ZNF764: variants seen among roughly 807,000 people sequenced by gnomAD.
ZNF764 encodes the protein zinc finger protein 764.
Under a neutral mutation model 13.9 loss-of-function variants are expected in ZNF764, and 10 were observed. The ratio of observed to expected loss-of-function variants is 0.72; its 90% CI spans 0.44 to 1.22. The LOEUF is 1.22. ZNF764 is among the 50% of genes most tolerant of loss of function. ZNF764 has a pLI of 0.00. For synonymous variants in ZNF764, 313 were observed against 255.1 expected (o/e 1.23, Z -2.16); for missense variants, 647 against 589.7 (o/e 1.10, Z -1.01).
At chr16:30,556,436 A>G (rs1267467614) in intron 2 of ZNF764, among the ~76,000 whole-genome samples, 1 of 152,108 alleles carries the variant, frequency 6.6e-6, no homozygotes, top group Non-Finnish European at 1.5e-5. Flanking sequence ...GGGCATGGCC[A>G]AGTTCAGTGG....
rs369879622 is a variant in ZNF764 at position 30,555,575 on chromosome 16, G to A, written c.843C>T (p.Ser281=). ...CCGGGCAGGGGAAGGGGGTCTCGCC[G>A]CTGTGCACGCGCCGGTGCTGGTAGA... ...SALYQHRRVH[S]GETPFPCPDC... Residue 281 remains serine, a synonymous_variant, in exon 3 of 3, where the codon AGC becomes AGT. Coordinates refer to ENST00000395091, the MANE Select transcript of ZNF764 (RefSeq NM_001172679.2). The A allele has an allele frequency of 2.0e-6, 3 of 1,535,184 alleles. No homozygotes were observed. The highest frequency in any genetic ancestry group is 1.7e-6 in the Non-Finnish European group (2 of 1,146,038).
chr16:30,557,694 C>T (rs921499153), intron 2 of ZNF764, 39 bp downstream of exon 2: 3 of 1,610,618 alleles, frequency 1.9e-6, no homozygotes. Flanking sequence ...GGGACAGGAA[C>T]AGAGAAGTCC....
At position 30,556,063 on chromosome 16, in the gene ZNF764, C is replaced by G. The variant is rs199626772; in HGVS notation, c.355G>C (p.Ala119Pro). The change falls in exon 3 of 3, where the codon GCC becomes CCC. Residue 119 changes from alanine to proline, a missense_variant. Physicochemically the swap from Ala to Pro is conservative, Grantham distance 27. Coordinates refer to ENST00000395091, the MANE Select transcript of ZNF764 (RefSeq NM_001172679.2). ...GCCACAGGGTCGGGCTTCTCCAGGG[C>G]TCCCGTCCCTTCCCTTTGTCTTTCC... is the stretch of plus-strand genomic sequence containing the variant. ...KKERQREGTG[A>P]LEKPDPVAAG... The G allele has an allele frequency of 1.9e-6, 3 of 1,612,536 alleles. No homozygotes were observed. The highest frequency in any genetic ancestry group is 2.5e-6 in the Non-Finnish European group (3 of 1,180,028).
rs775176260 is a variant in ZNF764, at chr16:30,555,913, G to C, written c.505C>G (p.Arg169Gly). The change falls in exon 3 of 3, where the codon CGA (arginine) becomes GGA (glycine). Residue 169 changes from arginine to glycine, a missense_variant. Arg to Gly is a moderately radical substitution (Grantham distance 125). Transcript: ENST00000395091. ...PSLCAHPPVPRADQRHGCYVC... is the reference protein window; with the variant it reads ...PSLCAHPPVPGADQRHGCYVC... ...TAGCAGCCATGACGCTGGTCAGCTCGGGGGACAGGGGGGTGGGCACAGAGG... is the reference window on the plus strand; with the variant it reads ...TAGCAGCCATGACGCTGGTCAGCTCCGGGGACAGGGGGGTGGGCACAGAGG... The C allele has an allele frequency of 6.2e-6, 10 of 1,611,398 alleles. No homozygotes were observed. The highest frequency in any genetic ancestry group is 1.7e-4 in the Middle Eastern group (1 of 6,014).
chr16:30,556,027 G>C lies in ZNF764; in HGVS notation c.391C>G (p.Pro131Ala). The change falls in exon 3 of 3, where the codon CCT (proline) becomes GCT (alanine). Residue 131 changes from proline (P) to alanine (A), a missense_variant. Pro to Ala is a conservative substitution (Grantham distance 27). Transcript: ENST00000395091. ...EKPDPVAAGSPGLKSPQAPSA... is the reference protein window; with the variant it reads ...EKPDPVAAGSAGLKSPQAPSA... Reference sequence around the variant, plus strand: ...GGGGCTTGGGGAGACTTCAGCCCAGGAGACCCGGCGGCCACAGGGTCGGGC... The same window carrying C: ...GGGGCTTGGGGAGACTTCAGCCCAGCAGACCCGGCGGCCACAGGGTCGGGC... The C allele has an allele frequency of 6.2e-7, 1 of 1,612,848 alleles. No homozygotes were observed. Among genetic ancestry groups the C allele is most frequent in the South Asian group, 1.1e-5 (1 of 91,054 alleles).
intron 2 of ZNF764, 23 bp from the exon 3 acceptor site, chr16:30,556,130 G>C: frequency 6.2e-7 from 1 of 1,608,498 alleles, no homozygotes; most frequent in Non-Finnish European, 8.5e-7. Flanking sequence ...AAAGAGGGGA[G>C]AGTTCAGGCT....
rs777888368 is a variant in ZNF764, at chr16:30,555,175, A to T, written c.*19T>A. On this transcript the variant is annotated 3_prime_UTR_variant, in exon 3 of 3. Coordinates refer to ENST00000395091, the MANE Select transcript of ZNF764 (RefSeq NM_001172679.2). ...ATCTCGGGCCTCCCGTAATGTCTAG[A>T]TAGTCACTTTTAAGGCCGTCACCCA... The T allele has an allele frequency of 5.7e-6, 9 of 1,591,678 alleles. No homozygotes were observed. Among genetic ancestry groups the T allele is most frequent in the African/African-American group, 4.1e-5 (3 of 73,754 alleles).
Position 30,555,946 on chromosome 16 carries a change from G to A in ZNF764, c.472C>T (p.Arg158Cys), listed in dbSNP as rs745627651. The A allele has an allele frequency of 1.2e-5, 19 of 1,611,522 alleles. No individual in the cohort carries two copies. The highest frequency in any genetic ancestry group is 1.5e-5 in the Non-Finnish European group (18 of 1,179,530). Residue 158 changes from arginine to cysteine, a missense_variant, in exon 3 of 3, where the codon CGC (arginine) becomes TGC (cysteine). Transcript: ENST00000395091. Reference sequence around the variant, plus strand: ...GGGGGGTGGGCACAGAGGGAGGGGCGTCCCCGGTGCGGTGCCTTGGACAGC... The same window carrying A: ...GGGGGGTGGGCACAGAGGGAGGGGCATCCCCGGTGCGGTGCCTTGGACAGC... ...EQLSKAPHRG[R>C]PSLCAHPPVP...
chr16:30,558,311 C>T lies in ZNF764; in HGVS notation c.-129G>A, dbSNP rs2051576621. On this transcript the variant is annotated 5_prime_UTR_variant, in exon 1 of 3. Transcript: ENST00000395091. ...GAAGGAGGGAGGTTACTAGGGCCCC[C>T]GAGGGCGCACTAGAGGGCGTGGAAA... 2 of 1,098,048 alleles carry T rather than the reference C, an allele frequency of 1.8e-6. No homozygotes were observed. The highest frequency in any genetic ancestry group is 2.9e-5 in the Admixed American group (1 of 34,374). The allele number at this position is 1,098,048 out of a possible 1,614,324, so 68.0% of individuals were successfully genotyped here.
In ZNF764 at chr16:30,555,324, C is replaced by G. The variant is rs764392812; in HGVS notation, c.1094G>C (p.Arg365Pro). 12 of 1,609,184 alleles carry G rather than the reference C, an allele frequency of 7.5e-6. No individual in the cohort carries two copies. In the Admixed American group the frequency reaches 8.4e-5, roughly 11 times the overall value. ...GCCCCTGTGGCCCCCGGCCCCGGGC[C>G]GATGAACCCACTGGTGTTTGGCCAC... ...SAVAKHQWVH[R>P]PGAGGHRGRV... The change falls in exon 3 of 3, where the codon CGG (arginine) becomes CCG (proline). Residue 365 changes from arginine (R) to proline (P), a missense_variant. Physicochemically the swap from Arg to Pro is moderately radical, Grantham distance 103 (BLOSUM62 -2). Transcript: ENST00000395091.
chr16:30,555,985 A>G lies in ZNF764; in HGVS notation c.433T>C (p.Tyr145His), dbSNP rs1178272687. Residue 145 changes from tyrosine to histidine, a missense_variant, in exon 3 of 3, where the codon TAT becomes CAT. Coordinates refer to ENST00000395091, the MANE Select transcript of ZNF764 (RefSeq NM_001172679.2). ...SPQAPSAGPP[Y>H]GWEQLSKAPH... ...GCCTTGGACAGCTGCTCCCAACCAT[A>G]AGGGGGCCCGGCCGAGGGGGCTTGG... 6.2e-7 allele frequency: 1 copy of G among 1,611,876 alleles called. No individual in the cohort carries two copies.
intron 2 of ZNF764, among the ~76,000 whole-genome samples, chr16:30,557,024 CAG>C (rs2051562537): frequency 1.3e-5 from 2 of 152,034 alleles, no homozygotes; most frequent in South Asian, 4.1e-4. Flanking sequence ...CCTGTAGTCC[CAG>C]CTACTGGGGA....
At position 30,555,665 on chromosome 16, in the gene ZNF764, G is replaced by A; in HGVS notation, c.753C>T (p.Val251=). The A allele has an allele frequency of 6.5e-7, 1 of 1,549,676 alleles. No homozygotes were observed. Among genetic ancestry groups the A allele is most frequent in the Middle Eastern group, 2.0e-4 (1 of 5,108 alleles). Residue 251 remains valine, a synonymous_variant, in exon 3 of 3, where the codon GTC becomes GTT. Transcript: ENST00000395091. ...QRSALTSHLR[V]HTGEKPYGCA... ...AGCCATAGGGTTTCTCGCCGGTGTGGACGCGCAGGTGCGAAGTCAGCGCCG... is the reference window on the plus strand; with the variant it reads ...AGCCATAGGGTTTCTCGCCGGTGTGAACGCGCAGGTGCGAAGTCAGCGCCG...
Position 30,557,829 on chromosome 16 carries a change from G to A in ZNF764, c.214C>T (p.Pro72Ser), listed in dbSNP as rs756497977. Residue 72 changes from proline (P) to serine (S), a missense_variant, in exon 2 of 3, where the codon CCA becomes TCA. Transcript: ENST00000395091. ...TCCTCCACCCAGGAGATGAGAGCTGGCTTGTTGCCTCCGATTCCTAGGGAA... is the reference window on the plus strand; with the variant it reads ...TCCTCCACCCAGGAGATGAGAGCTGACTTGTTGCCTCCGATTCCTAGGGAA... The part of the protein sequence containing the change: ...LSALGIGGNK[P>S]ALISWVEEEA... The A allele has an allele frequency of 1.9e-5, 30 of 1,609,070 alleles. No homozygotes were observed. The highest frequency in any genetic ancestry group is 2.5e-5 in the Non-Finnish European group (29 of 1,177,608).
rs777420717 is a variant in ZNF764 at position 30,558,085 on chromosome 16, A to C, written c.98T>G (p.Val33Gly). 11 of 1,611,522 alleles carry C rather than the reference A, an allele frequency of 6.8e-6. No individual in the cohort carries two copies. In the South Asian group the frequency reaches 1.2e-4, roughly 18 times the overall value. Residue 33 changes from valine to glycine, a missense_variant, in exon 1 of 3, where the codon GTG becomes GGG. Coordinates refer to ENST00000395091, the MANE Select transcript of ZNF764 (RefSeq NM_001172679.2). The stretch of plus-strand genomic sequence containing the variant: ...GCCCCACTCCTCCCGGCAGAAGTAC[A>C]CGGCCACGTCCGCGAAGCTCACAGC... ...PGAVSFADVA[V>G]YFCREEWGCL...
At chr16:30,557,605 C>T in intron 2 of ZNF764, 128 bp downstream of exon 2, 2 of 1,368,188 alleles carry the variant, frequency 1.5e-6, no homozygotes, top group Non-Finnish European at 9.9e-7. Flanking sequence ...GGGGCTCAGC[C>T]TCGTCGTCGC....
rs770617243 is a variant in ZNF764 at position 30,555,377 on chromosome 16, G to A, written c.1041C>T (p.Cys347=). Residue 347 remains cysteine, a synonymous_variant, in exon 3 of 3, where the codon TGC becomes TGT. Transcript: ENST00000395091. ...SGEKPYPCPQ[C]GRRFGQKSAV... ...CTGACTTCTGGCCAAAGCGGCGGCC[G>A]CACTGCGGGCAGGGGTAGGGCTTCT... 1.1e-5 allele frequency: 17 copies of A among 1,580,800 alleles called. No homozygotes were observed. The highest frequency in any genetic ancestry group is 1.8e-5 in the Admixed American group (1 of 54,558).
chr16:30,558,333 G>T lies in ZNF764; in HGVS notation c.-151C>A. On this transcript the variant is annotated 5_prime_UTR_variant, in exon 1 of 3. Transcript: ENST00000395091. ...CCCCGAGGGCGCACTAGAGGGCGTG[G>T]AAACTAACGGTGCCGATGGCAGCGG... 1.2e-6 allele frequency: 1 copy of T among 841,866 alleles called. No homozygotes were observed. The highest frequency in any genetic ancestry group is 1.7e-5 in the African/African-American group (1 of 58,082). 52.1% of individuals were successfully genotyped at this position (841,866 alleles called of 1,614,324 possible).
intron 2 of ZNF764, 105 bp downstream of exon 2, chr16:30,557,628 A>G (rs576598683): frequency 1.4e-6 from 2 of 1,480,032 alleles, no homozygotes; most frequent in East Asian, 2.5e-5. Flanking sequence ...TTGAGAAGGC[A>G]GTTCAGAGAG....
Sources: gnomAD v4.1 joint callset for allele counts (sites outside exome capture counted in the v4.1 genomes callset) on GRCh38, gnomAD v4.1.1 for gene constraint, MANE v1.5 for transcripts, NCBI Gene and HGNC (gene_info 2026-07-23, HGNC 2026-07-21) for gene names.